The following DNAJC15 variants were observed in gnomAD, a reference collection of about 807,000 sequenced individuals.
The protein encoded by DNAJC15 is dnaJ homolog subfamily C member 15.
DNAJC15 carries 27 observed loss-of-function variants against 22.4 expected under a neutral mutation model. The observed-to-expected ratio is 1.20, with a 90% CI of 0.89 to 1.66. The LOEUF is 1.66. DNAJC15 is among the 40% of genes most tolerant of loss of function. The pLI is 0.00. For missense variants in DNAJC15, 208 were observed against 187.1 expected, an observed-to-expected ratio of 1.11 and a Z score of -0.65; for synonymous variants, 79 against 63.2, an observed-to-expected ratio of 1.25 and a Z score of -1.19.
At chr13:43,028,948 C>G (rs1487571212) in intron 1 of DNAJC15, among the ~76,000 whole-genome samples, 2 of 152,138 alleles carry the variant, frequency 1.3e-5, no homozygotes, top group Non-Finnish European at 2.9e-5. Flanking sequence ...GTGTGAAGTC[C>G]TCAGGGAAGA....
At chr13:43,036,307 G>A (rs948783550) in intron 1 of DNAJC15, among the ~76,000 whole-genome samples, 11 of 151,780 alleles carry the variant, frequency 7.2e-5, no homozygotes, top group African/African-American at 1.9e-4. Flanking sequence ...CTGGGACTAC[G>A]GGTCGCACCA....
intron 5 of DNAJC15, among the ~76,000 whole-genome samples, chr13:43,091,411 A>G (rs2040714605): frequency 6.6e-6 from 1 of 152,174 alleles, no homozygotes; most frequent in African/African-American, 2.4e-5. Context: ...TAAAAGATAC[A>G]CATCTCTTTC....
intron 3 of DNAJC15, among the ~76,000 whole-genome samples, chr13:43,078,123 C>T (rs1299466785): frequency 6.6e-6 from 1 of 152,150 alleles, no homozygotes; most frequent in Non-Finnish European, 1.5e-5. Flanking sequence ...TTGTTCACGC[C>T]TCTCCAGCAG....
chr13:43,059,941 T>G (rs1405804257), intron 1 of DNAJC15, among the ~76,000 whole-genome samples: 1 of 152,192 alleles, frequency 6.6e-6, no homozygotes, highest in Non-Finnish European at 1.5e-5. Context: ...CAAAGTACAC[T>G]GATCAGTTAG....
At chr13:43,066,296 G>A (rs2040583769) in intron 2 of DNAJC15, among the ~76,000 whole-genome samples, 1 of 151,540 alleles carries the variant, frequency 6.6e-6, no homozygotes, top group South Asian at 2.1e-4. Context: ...GCCCCTTCCA[G>A]AGGCTCTGGG....
At chr13:43,036,013 C>T (rs1180789265) in intron 1 of DNAJC15, among the ~76,000 whole-genome samples, 1 of 152,136 alleles carries the variant, frequency 6.6e-6, no homozygotes, top group Admixed American at 6.5e-5. Context: ...ATGTGTAAGC[C>T]ACTGTGCCCA....
At chr13:43,107,147 TATTTTAATTC>T (rs779844332) in intron 5 of DNAJC15, 21 bp from the exon 6 acceptor site, 7 of 1,518,970 alleles carry the variant, frequency 4.6e-6, no homozygotes, top group Admixed American at 2.3e-5. Context: ...TGATGAAATG[TATTTTAATTC>T]ATTTTTCTTT....
intron 1 of DNAJC15, among the ~76,000 whole-genome samples, chr13:43,047,542 T>G (rs2040484006): frequency 6.6e-6 from 1 of 152,230 alleles, no homozygotes; most frequent in Non-Finnish European, 1.5e-5. Flanking sequence ...TAGGTGCTGG[T>G]TATTTTTCAT....
intron 1 of DNAJC15, among the ~76,000 whole-genome samples, chr13:43,047,477 G>A (rs1445139055): frequency 6.6e-6 from 1 of 152,024 alleles, no homozygotes; most frequent in Non-Finnish European, 1.5e-5. Flanking sequence ...AGGAGTAAGA[G>A]TAAATAATAT....
At chr13:43,027,697 C>G (rs1446553928) in intron 1 of DNAJC15, among the ~76,000 whole-genome samples, 1 of 151,080 alleles carries the variant, frequency 6.6e-6, no homozygotes, top group African/African-American at 2.4e-5. Context: ...TGCTCTGTTG[C>G]CCAGGCTGGA....
At chr13:43,089,177 A>G (rs972259962) in intron 5 of DNAJC15, among the ~76,000 whole-genome samples, 7 of 152,244 alleles carry the variant, frequency 4.6e-5, no homozygotes, top group African/African-American at 1.4e-4. Context: ...AATACATTAA[A>G]TAATTTCTTA....
rs57085120 is a variant in DNAJC15 at position 43,107,524 on chromosome 13, T to TACACACACACACAC, written c.*295_*308dup. ...TTTTGTTATGTTCTGAATTCCCCCCTACACACACACACACACACACACACA... is the reference window on the plus strand; with the variant it reads ...TTTTGTTATGTTCTGAATTCCCCCCTACACACACACACACACACACACACACACACACACACACA... On this transcript the variant is annotated 3_prime_UTR_variant, in exon 6 of 6. Transcript: ENST00000379221. The TACACACACACACAC allele has an allele frequency of 9.8e-4, 159 of 161,670 alleles. No individual in the cohort carries two copies. The highest frequency in any genetic ancestry group is 1.8e-3 in the African/African-American group (72 of 41,056). The allele number at this position is 161,670 out of a possible 1,614,324, so 10.0% of individuals were successfully genotyped here.
intron 1 of DNAJC15, among the ~76,000 whole-genome samples, chr13:43,062,001 A>G (rs1369235151): frequency 1.3e-5 from 2 of 152,196 alleles, no homozygotes; most frequent in Non-Finnish European, 1.5e-5. Flanking sequence ...CATGCAATAC[A>G]GTGACTGGTA....
At chr13:43,097,708 CG>C (rs1169207348) in intron 5 of DNAJC15, among the ~76,000 whole-genome samples, 1 of 152,070 alleles carries the variant, frequency 6.6e-6, no homozygotes, top group Non-Finnish European at 1.5e-5. Flanking sequence ...GAGGCTGAGG[CG>C]GGGAGATCAC....
At chr13:43,106,387 A>G (rs2040796952) in intron 5 of DNAJC15, among the ~76,000 whole-genome samples, 1 of 152,144 alleles carries the variant, frequency 6.6e-6, no homozygotes, top group Admixed American at 6.5e-5. Flanking sequence ...GTATTTTTGT[A>G]TGTAGGTTCT....
chr13:43,048,557 A>AAT (rs2040488494), intron 1 of DNAJC15, among the ~76,000 whole-genome samples: 1 of 152,210 alleles, frequency 6.6e-6, no homozygotes, highest in African/African-American at 2.4e-5. Context: ...TTGTTTTTTG[A>AAT]ATATATATCA....
Position 43,111,149 on chromosome 13 carries a change from A to AG in DNAJC15, c.*3902dup, listed in dbSNP as rs1372946415. 2.0e-5 allele frequency: 3 copies of AG among 152,238 alleles called. No homozygotes were observed. The highest frequency in any genetic ancestry group is 7.2e-5 in the African/African-American group (3 of 41,466). The allele number at this position is 152,238 out of a possible 1,614,324, so 9.4% of individuals were successfully genotyped here. On this transcript the variant is annotated 3_prime_UTR_variant, in exon 6 of 6. Coordinates refer to ENST00000379221, the MANE Select transcript of DNAJC15 (RefSeq NM_013238.3). ...CAGCGTAAAGTCAAAAGTGGAGGGA[A>AG]GTTTAGTAAGGAAAAAATGTTGGGC...
chr13:43,055,368 A>G (rs1381081230), intron 1 of DNAJC15, among the ~76,000 whole-genome samples: 2 of 151,980 alleles, frequency 1.3e-5, no homozygotes, highest in Admixed American at 6.6e-5. Context: ...CTCCCTCCTC[A>G]CTAGCCCATT....
intron 1 of DNAJC15, among the ~76,000 whole-genome samples, chr13:43,053,147 G>T (rs2040513378): frequency 6.6e-6 from 1 of 152,126 alleles, no homozygotes; most frequent in Non-Finnish European, 1.5e-5. Context: ...AGCACCATTT[G>T]TTGAATAGGG....
Sources: gnomAD v4.1 joint callset for allele counts (sites outside exome capture counted in the v4.1 genomes callset) on GRCh38, gnomAD v4.1.1 for gene constraint, MANE v1.5 for transcripts, NCBI Gene and HGNC (gene_info 2026-07-23, HGNC 2026-07-21) for gene names.